Variants in TAFA5 observed in about 807,000 individuals in gnomAD.
The protein encoded by TAFA5 is TAFA chemokine like family member 5, also known as chemokine-like protein TAFA-5.
In TAFA5, 6 loss-of-function variants were observed where a neutral mutation model predicts 15.3. The observed-to-expected ratio is 0.39, with a 90% CI of 0.21 to 0.77. The LOEUF (loss-of-function observed/expected upper bound fraction) is 0.77. Among genes scored for constraint, TAFA5 ranks in the 30% least tolerant of loss-of-function variants. TAFA5 has a pLI of 0.41. For missense variants in TAFA5, 161 were observed against 193.1 expected (o/e 0.83, Z 0.98); for synonymous variants, 103 against 80.7 (o/e 1.28, Z -1.48).
intron 2 of TAFA5, among the ~76,000 whole-genome samples, chr22:48,688,389 T>C (rs956683402): frequency 1.3e-5 from 2 of 152,216 alleles, no homozygotes; most frequent in African/African-American, 4.8e-5. Flanking sequence ...GTTTTGCAGA[T>C]TTTTCTTTTT....
intron 1 of TAFA5, among the ~76,000 whole-genome samples, chr22:48,642,878 T>C (rs954275687): frequency 1.3e-5 from 2 of 152,148 alleles, no homozygotes; most frequent in African/African-American, 4.8e-5. Context: ...GGGGAACAGC[T>C]GTGGGAGAGC....
chr22:48,539,338 C>T (rs1033681376), intron 1 of TAFA5: 6 of 470,870 alleles, frequency 1.3e-5, no homozygotes, highest in Non-Finnish European at 2.6e-5. Flanking sequence ...AGCCGATACC[C>T]TAATAGGACA....
chr22:48,517,555 T>C (rs1317824460), intron 1 of TAFA5, among the ~76,000 whole-genome samples: 3 of 152,172 alleles, frequency 2.0e-5, no homozygotes, highest in Non-Finnish European at 2.9e-5. Flanking sequence ...GTGGAGCCCA[T>C]GCTACTCTCC....
At chr22:48,609,200 G>A (rs773017408) in intron 1 of TAFA5, among the ~76,000 whole-genome samples, 7 of 152,206 alleles carry the variant, frequency 4.6e-5, no homozygotes, top group Admixed American at 6.5e-5. Context: ...GGAAATGCAC[G>A]TCTCCCAGCT....
intron 1 of TAFA5, among the ~76,000 whole-genome samples, chr22:48,610,733 C>T (rs1925373916): frequency 6.6e-6 from 1 of 152,186 alleles, no homozygotes; most frequent in African/African-American, 2.4e-5. Flanking sequence ...TTGACTCCGC[C>T]TTGCAGAGAA....
chr22:48,689,011 AGAGAG>A (rs1370358930), intron 2 of TAFA5, among the ~76,000 whole-genome samples: 3 of 91,918 alleles, frequency 3.3e-5, no homozygotes, highest in African/African-American at 1.8e-4. Context: ...AAAAAAAAAA[AGAGAG>A]AGAAAACCTT....
intron 1 of TAFA5, among the ~76,000 whole-genome samples, chr22:48,622,667 G>A (rs762392530): frequency 8.5e-5 from 13 of 152,250 alleles, no homozygotes; most frequent in Non-Finnish European, 1.3e-4. Context: ...GCCGTGGTAC[G>A]ACACTGTGGA....
intron 1 of TAFA5, among the ~76,000 whole-genome samples, chr22:48,553,461 A>C (rs1922926054): frequency 6.6e-6 from 1 of 152,194 alleles, no homozygotes; most frequent in South Asian, 2.1e-4. Context: ...CCCTGGCCGC[A>C]TGCACTGGAC....
intron 3 of TAFA5, among the ~76,000 whole-genome samples, chr22:48,746,870 C>A (rs550371336): frequency 6.6e-6 from 1 of 152,276 alleles, no homozygotes; most frequent in African/African-American, 2.4e-5. Context: ...CTGAGCTCCC[C>A]GTCCCACCCC....
At chr22:48,609,565 G>T (rs1258546210) in intron 1 of TAFA5, among the ~76,000 whole-genome samples, 3 of 152,208 alleles carry the variant, frequency 2.0e-5, no homozygotes, top group African/African-American at 7.2e-5. Flanking sequence ...CTCACGCACA[G>T]CTCCTGAACC....
chr22:48,604,204 A>C (rs1312299787), intron 1 of TAFA5, among the ~76,000 whole-genome samples: 2 of 152,194 alleles, frequency 1.3e-5, no homozygotes, highest in African/African-American at 4.8e-5. Flanking sequence ...TCTTGGCCAC[A>C]GTACAGGCAA....
In TAFA5 at chr22:48,727,948, AAATT is replaced by A. The variant is rs142332292; in HGVS notation, c.390+20106_390+20109del. Among the ~76,000 whole-genome samples, 545 of 152,334 alleles carry A rather than the reference AAATT, an allele frequency of 3.6e-3. 5 individuals are homozygous for A. Among genetic ancestry groups the A allele is most frequent in the African/African-American group, 0.013 (528 of 41,584 alleles). ...AGATTATGTAAACACAATTACAAAT[AAATT>A]ATATGATCAGAAACAATTTTTAGCT... is the stretch of plus-strand genomic sequence containing the variant. On this transcript the variant is annotated intron_variant, in intron 3 of 3. Coordinates refer to ENST00000402357, the MANE Select transcript of TAFA5 (RefSeq NM_001082967.3).
chr22:48,515,723 G>A (rs899750853), intron 1 of TAFA5, among the ~76,000 whole-genome samples: 18 of 152,192 alleles, frequency 1.2e-4, no homozygotes, highest in African/African-American at 4.1e-4. Context: ...CAGGCGGGAC[G>A]GGGAGTGTGG....
intron 2 of TAFA5, among the ~76,000 whole-genome samples, chr22:48,662,188 GA>G (rs1453044106): frequency 6.6e-6 from 1 of 152,166 alleles, no homozygotes; most frequent in Non-Finnish European, 1.5e-5. Context: ...TGCCTGTGGG[GA>G]CAGCGGGAGG....
At chr22:48,576,039 A>ACCG (rs1923772704) in intron 1 of TAFA5, among the ~76,000 whole-genome samples, 1 of 31,436 alleles carries the variant, frequency 3.2e-5, no homozygotes, top group African/African-American at 2.4e-4. Context: ...GCCGCGCCGG[A>ACCG]CCCCCCCCCC....
intron 1 of TAFA5, among the ~76,000 whole-genome samples, chr22:48,640,693 G>T (rs1172829521): frequency 6.6e-6 from 1 of 152,224 alleles, no homozygotes; most frequent in Non-Finnish European, 1.5e-5. Context: ...ACCTGGCTCT[G>T]CCTGTCAGGG....
intron 1 of TAFA5, among the ~76,000 whole-genome samples, chr22:48,589,576 C>T (rs1924485700): frequency 6.6e-6 from 1 of 152,196 alleles, no homozygotes. Flanking sequence ...CCAGGGTGCT[C>T]TCTCATTTGG....
At chr22:48,638,129 C>G in intron 1 of TAFA5, among the ~76,000 whole-genome samples, 1 of 152,094 alleles carries the variant, frequency 6.6e-6, no homozygotes, top group East Asian at 1.9e-4. Context: ...TGTCCTGTCA[C>G]CACGTCCTGG....
At chr22:48,699,203 G>A (rs991180094) in intron 2 of TAFA5, among the ~76,000 whole-genome samples, 2 of 152,142 alleles carry the variant, frequency 1.3e-5, no homozygotes, top group Non-Finnish European at 2.9e-5. Context: ...AAAGTGCTGG[G>A]ATTACAGGCG....
Sources: gnomAD v4.1 joint callset for allele counts (sites outside exome capture counted in the v4.1 genomes callset) on GRCh38, gnomAD v4.1.1 for gene constraint, MANE v1.5 for transcripts, NCBI Gene and HGNC (gene_info 2026-07-23, HGNC 2026-07-21) for gene names.